Variants in WDR37 observed in about 807,000 individuals in gnomAD.
WDR37 encodes WD repeat-containing protein 37.
A neutral mutation model predicts 62.9 loss-of-function variants in WDR37; 19 were observed. The ratio of observed to expected loss-of-function variants is 0.30; its 90% CI spans 0.21 to 0.44. WDR37 has a LOEUF of 0.44. Among genes scored for constraint, WDR37 ranks in the 20% least tolerant of loss-of-function variants. WDR37 has a pLI of 1.00. For synonymous variants in WDR37, 250 were observed against 260.9 expected (o/e 0.96, Z 0.40); for missense variants, 474 against 657.6 (o/e 0.72, Z 3.05).
chr10:1,067,107 G>A lies in WDR37; in HGVS notation c.-40-5009G>A, dbSNP rs185355244. On this transcript the variant is annotated intron_variant, in intron 1 of 13. Coordinates refer to ENST00000263150, the MANE Select transcript of WDR37 (RefSeq NM_014023.4). ...GGAAGGATAAATATGTAGATCGGTG[G>A]AACAGAATAGAGAACCAAGAAATAA... is the stretch of plus-strand genomic sequence containing the variant. Among the ~76,000 whole-genome samples the A allele has an allele frequency of 1.4e-3, 207 of 152,156 alleles. 1 individual carries two copies. The highest frequency in any genetic ancestry group is 4.8e-3 in the Admixed American group (74 of 15,274).
At chr10:1,086,457 G>C (rs1034191692) in intron 7 of WDR37, 100 bp downstream of exon 7, 1 of 928,780 alleles carries the variant, frequency 1.1e-6, no homozygotes, top group East Asian at 2.6e-5. Context: ...TGTGTAGGAA[G>C]CCTTACTGTT....
intron 1 of WDR37, among the ~76,000 whole-genome samples, chr10:1,065,982 C>T (rs1833526606): frequency 6.6e-6 from 1 of 151,764 alleles, no homozygotes; most frequent in African/African-American, 2.4e-5. Context: ...CAAGAATGTA[C>T]ACGTTTAATA....
intron 6 of WDR37, among the ~76,000 whole-genome samples, chr10:1,085,060 G>T (rs541404497): frequency 6.6e-6 from 1 of 152,124 alleles, no homozygotes; most frequent in Non-Finnish European, 1.5e-5. Context: ...CACCTCCTGC[G>T]TTCAAGCGAT....
At chr10:1,128,857 C>T (rs1420927053) in intron 13 of WDR37, among the ~76,000 whole-genome samples, 1 of 151,434 alleles carries the variant, frequency 6.6e-6, no homozygotes, top group Admixed American at 6.6e-5. Flanking sequence ...CTCAGTGGTC[C>T]ATGCTCGGCG....
intron 2 of WDR37, among the ~76,000 whole-genome samples, chr10:1,076,071 T>G (rs1239767827): frequency 6.6e-6 from 1 of 152,212 alleles, no homozygotes; most frequent in Admixed American, 6.5e-5. Flanking sequence ...TGAGCCACTG[T>G]GCCTGGCTGG....
intron 2 of WDR37, among the ~76,000 whole-genome samples, chr10:1,074,862 C>T (rs908050056): frequency 6.6e-6 from 1 of 152,254 alleles, no homozygotes; most frequent in Non-Finnish European, 1.5e-5. Context: ...TTCGCGCAGG[C>T]GCAGGAGGTC....
intron 2 of WDR37, among the ~76,000 whole-genome samples, chr10:1,077,570 GT>G (rs751446795): frequency 2.0e-5 from 3 of 152,122 alleles, no homozygotes; most frequent in East Asian, 1.9e-4. Context: ...GTTTATAATA[GT>G]TCATTTATGG....
At chr10:1,093,790 A>G (rs1834478655) in intron 8 of WDR37, among the ~76,000 whole-genome samples, 1 of 152,214 alleles carries the variant, frequency 6.6e-6, no homozygotes, top group African/African-American at 2.4e-5. Context: ...CAGTTCCTGT[A>G]GACGGAGCTC....
intron 8 of WDR37, among the ~76,000 whole-genome samples, chr10:1,095,828 C>T (rs770605295): frequency 1.3e-5 from 2 of 152,132 alleles, no homozygotes; most frequent in African/African-American, 2.4e-5. Flanking sequence ...TTGATTGCAG[C>T]TGTAAGTTCT....
chr10:1,111,562 G>A (rs545984939), intron 11 of WDR37, among the ~76,000 whole-genome samples: 1 of 152,330 alleles, frequency 6.6e-6, no homozygotes, highest in African/African-American at 2.4e-5. Flanking sequence ...GCTCCGTGCT[G>A]TGAGCTGCTG....
chr10:1,126,296 C>T (rs1235639741), intron 13 of WDR37, among the ~76,000 whole-genome samples: 2 of 151,412 alleles, frequency 1.3e-5, no homozygotes, highest in East Asian at 1.9e-4. Flanking sequence ...GTCCCAGCTA[C>T]TCGGGAGGCT....
intron 2 of WDR37, among the ~76,000 whole-genome samples, chr10:1,076,482 A>G (rs1261014343): frequency 6.6e-6 from 1 of 151,998 alleles, no homozygotes; most frequent in Non-Finnish European, 1.5e-5. Flanking sequence ...GATTGAGATC[A>G]TCCTGGCTAA....
chr10:1,095,601 G>T (rs570987026), intron 8 of WDR37, among the ~76,000 whole-genome samples: 24 of 152,208 alleles, frequency 1.6e-4, no homozygotes, highest in Non-Finnish European at 3.1e-4. Context: ...GTGAGAGGTG[G>T]CCATGCTGGT....
rs373499748 is a variant in WDR37 at position 1,101,641 on chromosome 10, G to A, written c.727-1961G>A. On this transcript the variant is annotated intron_variant, in intron 9 of 13. Transcript: ENST00000263150. ...CATCACATCCTGCCGACAGCCGTCT[G>A]GTGATTTTGCATCACACGGAATAAA... 1.3e-4 allele frequency among the ~76,000 whole-genome samples: 20 copies of A among 152,282 alleles called. No individual in the cohort carries two copies. The South Asian group carries it at 2.1e-3, about 16-fold the overall frequency.
intron 11 of WDR37, among the ~76,000 whole-genome samples, chr10:1,110,222 G>A (rs1379915618): frequency 6.6e-6 from 1 of 152,176 alleles, no homozygotes; most frequent in Non-Finnish European, 1.5e-5. Context: ...CGGCCTGGCG[G>A]TTTCTCAGCT....
In WDR37 at chr10:1,115,033, T is replaced by TG. The variant is rs201193617; in HGVS notation, c.1104-9185_1104-9184insG. 5.3e-5 allele frequency among the ~76,000 whole-genome samples: 8 copies of TG among 151,774 alleles called. No homozygotes were observed. The Middle Eastern group carries it at 0.01, about 194-fold the overall frequency. On this transcript the variant is annotated intron_variant, in intron 11 of 13. Coordinates refer to ENST00000263150, the MANE Select transcript of WDR37 (RefSeq NM_014023.4). ...CCCCTCCCCATCTCCCTTTTTTGTT[T>TG]TTTTTTTTTTGTTGTTGTTATTTTG...
Position 1,086,361 on chromosome 10 carries a change from AGCACT to A in WDR37, c.604+7_604+11del, listed in dbSNP as rs1455327871. The A allele has an allele frequency of 4.3e-6, 7 of 1,613,520 alleles. No homozygotes were observed. The South Asian group carries it at 7.7e-5, about 18-fold the overall frequency. On this transcript the variant is annotated splice_donor_5th_base_variant and intron_variant, in intron 7 of 13. Transcript: ENST00000263150. ...TACGCAGGCCACGTGGGCTCAGGTA[AGCACT>A]GCCTAAGGAGTGCCGTAGCCAGAGG...
intron 1 of WDR37, among the ~76,000 whole-genome samples, chr10:1,069,698 A>G (rs1180407173): frequency 6.6e-6 from 1 of 151,926 alleles, no homozygotes; most frequent in Non-Finnish European, 1.5e-5. Flanking sequence ...CTGTATGGTG[A>G]GTGGAGTGTT....
In WDR37 at chr10:1,129,470, C is replaced by A; in HGVS notation, c.*126C>A. On this transcript the variant is annotated 3_prime_UTR_variant, in exon 14 of 14. Coordinates refer to ENST00000263150, the MANE Select transcript of WDR37 (RefSeq NM_014023.4). ...CTGGAAAGGGTGCTTTGTATATGTT[C>A]TTTTCACATAGTGCCCAGCTTGCAT... 1 of 1,362,876 alleles carries A rather than the reference C, an allele frequency of 7.3e-7. No homozygotes were observed. The highest frequency in any genetic ancestry group is 1.0e-6 in the Non-Finnish European group (1 of 1,001,958). The allele number at this position is 1,362,876 out of a possible 1,614,324, so 84.4% of individuals were successfully genotyped here.
Sources: gnomAD v4.1 joint callset for allele counts (sites outside exome capture counted in the v4.1 genomes callset) on GRCh38, gnomAD v4.1.1 for gene constraint, MANE v1.5 for transcripts, NCBI Gene and HGNC (gene_info 2026-07-23, HGNC 2026-07-21) for gene names.